Variants in CAMSAP1 observed in about 807,000 individuals in gnomAD.
CAMSAP1 encodes the protein calmodulin-regulated spectrin-associated protein 1.
CAMSAP1 carries 58 observed loss-of-function variants against 143.5 expected under a neutral mutation model. That is an observed-to-expected ratio of 0.40 (90% CI 0.33 to 0.50). The LOEUF is 0.50. CAMSAP1 is among the 20% of genes least tolerant of loss of function. The pLI, the probability that CAMSAP1 is intolerant of heterozygous loss-of-function variation, is 0.45. For missense variants in CAMSAP1, 1,969 were observed against 2,115.7 expected, an observed-to-expected ratio of 0.93 and a Z score of 1.36; for synonymous variants, 945 against 859.3, an observed-to-expected ratio of 1.10 and a Z score of -1.74.
chr9:135,822,647 C>T lies in CAMSAP1; in HGVS notation c.2014G>A (p.Val672Met). 1.9e-6 allele frequency: 3 copies of T among 1,609,780 alleles called. No homozygotes were observed. Among genetic ancestry groups the T allele is most frequent in the African/African-American group, 1.3e-5 (1 of 74,774 alleles). The change falls in exon 11 of 17, where the codon GTG becomes ATG. Residue 672 changes from valine to methionine, a missense_variant. Physicochemically the swap from Val to Met is conservative, Grantham distance 21 (BLOSUM62 1). Around this residue, in one of 4 missense-constraint regions of CAMSAP1, gnomAD observed 1,390 missense variants for 1,420.8 expected, o/e 0.98. Coordinates refer to ENST00000389532, the MANE Select transcript of CAMSAP1 (RefSeq NM_015447.4). The surrounding 1 kb of genome is among the most constrained non-coding windows in gnomAD (Gnocchi z 6.1). ...IDPTETGPLS[V>M]ETAGEVCGGP... is the part of the protein sequence containing the mutation. ...CCACAGACCTCTCCTGCGGTTTCCA[C>T]TGACAGTGGTCCTGTCTCGGTGGGG...
chr9:135,895,640 G>A (rs1329656881), intron 1 of CAMSAP1, among the ~76,000 whole-genome samples: 1 of 152,184 alleles, frequency 6.6e-6, no homozygotes, highest in African/African-American at 2.4e-5. Context: ...AGAGACATGA[G>A]TAATGAGTAA....
At chr9:135,902,847 CTG>C (rs1394591267) in intron 1 of CAMSAP1, among the ~76,000 whole-genome samples, 3 of 152,174 alleles carry the variant, frequency 2.0e-5, no homozygotes, top group Non-Finnish European at 4.4e-5. Flanking sequence ...GGGCCACGTG[CTG>C]TCAGTAAGGA....
At chr9:135,881,179 C>T (rs762700115) in intron 3 of CAMSAP1, among the ~76,000 whole-genome samples, 14 of 151,682 alleles carry the variant, frequency 9.2e-5, no homozygotes, top group Non-Finnish European at 1.6e-4. Flanking sequence ...TCCCTCTCTA[C>T]TAAAAATTAA....
At chr9:135,813,925 G>A (rs1402532154) in intron 16 of CAMSAP1, among the ~76,000 whole-genome samples, 1 of 152,198 alleles carries the variant, frequency 6.6e-6, no homozygotes, top group Non-Finnish European at 1.5e-5. Context: ...GAGAGCAGAG[G>A]GAGCTGCACA....
chr9:135,824,034 T>C lies in CAMSAP1; in HGVS notation c.1316A>G (p.Asp439Gly), dbSNP rs764551951. The C allele has an allele frequency of 1.9e-6, 3 of 1,577,828 alleles. No individual in the cohort carries two copies. The highest frequency in any genetic ancestry group is 2.6e-6 in the Non-Finnish European group (3 of 1,160,828). Residue 439 changes from aspartate (D) to glycine (G), a missense_variant and splice_region_variant, in exon 10 of 17, where the codon GAT becomes GGT. Coordinates refer to ENST00000389532, the MANE Select transcript of CAMSAP1 (RefSeq NM_015447.4). This position sits in a 1 kb window ranked among gnomAD's most constrained non-coding sequence, Gnocchi z 4.1. ...CAAAGAATTCGATCGATGTCGCTGA[T>C]CTGCAGTACAGAGGAATTAGATAGT... Reference protein sequence around the residue: ...QKSIQGEDIPDQRHRSNSLTR... With the variant: ...QKSIQGEDIPGQRHRSNSLTR...
chr9:135,890,566 A>G (rs143735990), intron 1 of CAMSAP1, among the ~76,000 whole-genome samples: 12 of 152,092 alleles, frequency 7.9e-5, no homozygotes, highest in Non-Finnish European at 1.6e-4. Flanking sequence ...CCTACCACAT[A>G]CTCTGGGTGG....
chr9:135,903,345 T>C (rs1391299089), intron 1 of CAMSAP1, among the ~76,000 whole-genome samples: 3 of 152,316 alleles, frequency 2.0e-5, no homozygotes, highest in East Asian at 3.9e-4. Context: ...CTTTAAAAAA[T>C]GCAAACACTG....
At chr9:135,884,278 T>G (rs1347177767) in intron 1 of CAMSAP1, among the ~76,000 whole-genome samples, 1 of 152,048 alleles carries the variant, frequency 6.6e-6, no homozygotes, top group Non-Finnish European at 1.5e-5. Context: ...AACAAACCTG[T>G]CTTGTGTTCC....
At chr9:135,878,363 A>G (rs1247887497) in intron 3 of CAMSAP1, among the ~76,000 whole-genome samples, 2 of 148,738 alleles carry the variant, frequency 1.3e-5, no homozygotes, top group East Asian at 4.0e-4. Context: ...GATGCTGCAG[A>G]GGACGACACA....
chr9:135,903,271 G>C (rs1171622622), intron 1 of CAMSAP1, among the ~76,000 whole-genome samples: 1 of 152,226 alleles, frequency 6.6e-6, no homozygotes, highest in Non-Finnish European at 1.5e-5. Context: ...TGACTAGTCA[G>C]GTTCTGCACC....
intron 1 of CAMSAP1, among the ~76,000 whole-genome samples, chr9:135,905,259 AC>A (rs1392177328): frequency 2.0e-5 from 3 of 152,236 alleles, no homozygotes; most frequent in African/African-American, 7.2e-5. Context: ...ACACAGAGAC[AC>A]GCGTACTTAT....
rs1020755510 is a variant in CAMSAP1, at chr9:135,818,395, C to G, written c.4168+13G>C. The stretch of plus-strand genomic sequence containing the variant: ...AAGGAAGCGCTGCCCGCGTGAGGGC[C>G]GGGGCTGCTTACGGGTGGAGGAGCA... On this transcript the variant is annotated intron_variant, in intron 13 of 16. Transcript: ENST00000389532. This position sits in a 1 kb window ranked among gnomAD's most constrained non-coding sequence, Gnocchi z 7.7. 19 of 1,560,262 alleles carry G rather than the reference C, an allele frequency of 1.2e-5. No homozygotes were observed. In the Admixed American group the frequency reaches 3.5e-4, roughly 29 times the overall value.
chr9:135,883,653 C>T (rs752661352), intron 1 of CAMSAP1, among the ~76,000 whole-genome samples: 15 of 152,324 alleles, frequency 9.8e-5, no homozygotes, highest in Non-Finnish European at 1.8e-4. Context: ...GTAACCATGA[C>T]GACACAGCAG....
intron 7 of CAMSAP1, chr9:135,836,924 ACT>A (rs1363211956): frequency 2.0e-6 from 2 of 975,958 alleles, no homozygotes; most frequent in Non-Finnish European, 2.4e-6. Flanking sequence ...GTCACCACAC[ACT>A]TTCTACCCGT....
Position 135,828,526 on chromosome 9 carries a change from AC to A in CAMSAP1, c.1046-943del, listed in dbSNP as rs562890962. On this transcript the variant is annotated intron_variant, in intron 7 of 16. Coordinates refer to ENST00000389532, the MANE Select transcript of CAMSAP1 (RefSeq NM_015447.4). ...GGCTGCCGGAGAAGCTAAACCCCCA[AC>A]CCAAGAAGGCTGCAAGGCCAAGGTG... Among the ~76,000 whole-genome samples the A allele has an allele frequency of 2.7e-3, 416 of 152,278 alleles. 1 individual carries two copies. Among genetic ancestry groups the A allele is most frequent in the Non-Finnish European group, 4.6e-3 (312 of 68,026 alleles).
chr9:135,850,581 G>T (rs964673819), intron 5 of CAMSAP1, 120 bp from the exon 6 acceptor site: 45 of 747,962 alleles, frequency 6.0e-5, no homozygotes, highest in Non-Finnish European at 7.7e-5. Context: ...ATGACATTGA[G>T]AGATGTAGGG....
chr9:135,818,482 G>A lies in CAMSAP1; in HGVS notation c.4094C>T (p.Pro1365Leu), dbSNP rs1242473505. The A allele has an allele frequency of 6.8e-6, 11 of 1,609,110 alleles. No homozygotes were observed. Among genetic ancestry groups the A allele is most frequent in the Admixed American group, 3.3e-5 (2 of 59,868 alleles). Residue 1365 changes from proline to leucine, a missense_variant, in exon 13 of 17, where the codon CCG becomes CTG. Around this residue, in one of 4 missense-constraint regions of CAMSAP1, gnomAD observed 1,390 missense variants for 1,420.8 expected, o/e 0.98. Coordinates refer to ENST00000389532, the MANE Select transcript of CAMSAP1 (RefSeq NM_015447.4). The surrounding 1 kb of genome is among the most constrained non-coding windows in gnomAD (Gnocchi z 7.7). ...CACCGACTTCGGCCGCGGCTTCTTC[G>A]GCTTTGACTTGGGCTTGCCGAGCCC... Reference protein sequence around the residue: ...EQGLGKPKSKPKKPRPKSVHR... With the variant: ...EQGLGKPKSKLKKPRPKSVHR...
chr9:135,902,261 A>G (rs1189461175), intron 1 of CAMSAP1, among the ~76,000 whole-genome samples: 1 of 152,218 alleles, frequency 6.6e-6, no homozygotes, highest in Non-Finnish European at 1.5e-5. Context: ...CGATTTAAAT[A>G]TACAATCTAA....
At chr9:135,880,339 T>C (rs1837899050) in intron 3 of CAMSAP1, among the ~76,000 whole-genome samples, 1 of 151,698 alleles carries the variant, frequency 6.6e-6, no homozygotes, top group Non-Finnish European at 1.5e-5. Flanking sequence ...CCAAGAGGCG[T>C]CCTCATGGGT....
Sources: allele counts gnomAD v4.1 joint callset (sites outside exome capture counted in the v4.1 genomes callset), GRCh38; gene constraint gnomAD v4.1.1; regional missense constraint gnomAD v4.1.1; non-coding constraint Gnocchi (gnomAD v3.1); transcripts MANE v1.5; gene names NCBI Gene and HGNC (gene_info 2026-07-23, HGNC 2026-07-21).